Variants in ANKRD29 observed in about 807,000 individuals in gnomAD.
ANKRD29 encodes ankyrin repeat domain-containing protein 29.
In ANKRD29, 32 loss-of-function variants were observed where a neutral mutation model predicts 38.0. The observed-to-expected ratio is 0.84, with a 90% CI of 0.64 to 1.13. ANKRD29 has a LOEUF of 1.13. Ranked by LOEUF, ANKRD29 falls within the 50% of genes most tolerant of loss-of-function variation. The probability of loss-of-function intolerance (pLI) is 0.00; values close to 1 mark genes in which losing one functional copy is unlikely to be tolerated. For synonymous variants in ANKRD29, 135 were observed against 152.4 expected (o/e 0.89, Z 0.84); for missense variants, 357 against 377.9 (o/e 0.94, Z 0.46).
intron 7 of ANKRD29, 166 bp downstream of exon 7, chr18:23,619,365 G>T (rs946520480): frequency 2.9e-5 from 19 of 646,622 alleles, no homozygotes; most frequent in Non-Finnish European, 3.8e-5. Context: ...GGGTGGAGGA[G>T]GAGAGAGACC....
intron 3 of ANKRD29, among the ~76,000 whole-genome samples, chr18:23,639,698 G>C (rs1712462189): frequency 6.6e-6 from 1 of 151,990 alleles, no homozygotes; most frequent in African/African-American, 2.4e-5. Context: ...CCCACATCTG[G>C]CTATTTTTTG....
At position 23,638,907 on chromosome 18, in the gene ANKRD29, T is replaced by A. The variant is rs929859106; in HGVS notation, c.272A>T (p.His91Leu). ...AAAGAGAAATCTCACGACATCATTA[T>A]GGCCTTGCTGGGCGGCAAAGAATAG... ...TALFFAAQQG[H>L]NDVVRFLFGF... The change falls in exon 4 of 10, where the codon CAT becomes CTT. Residue 91 changes from histidine (H) to leucine (L), a missense_variant. His to Leu is a moderately conservative substitution (Grantham distance 99, BLOSUM62 -3). Transcript: ENST00000592179. 1 of 1,613,288 alleles carries A rather than the reference T, an allele frequency of 6.2e-7. No homozygotes were observed. The highest frequency in any genetic ancestry group is 1.1e-5 in the South Asian group (1 of 90,836).
chr18:23,641,358 C>T (rs1424318963), intron 3 of ANKRD29, among the ~76,000 whole-genome samples: 2 of 152,252 alleles, frequency 1.3e-5, no homozygotes, highest in Admixed American at 6.5e-5. Context: ...CTTGGAAGTG[C>T]CTGCTCCTGC....
chr18:23,623,969 A>G (rs2059828249), intron 6 of ANKRD29, among the ~76,000 whole-genome samples: 1 of 151,976 alleles, frequency 6.6e-6, no homozygotes, highest in Non-Finnish European at 1.5e-5. Flanking sequence ...TAAATTAAAC[A>G]TATAAAAATA....
chr18:23,606,992 C>G (rs955920737), intron 9 of ANKRD29, among the ~76,000 whole-genome samples: 1 of 152,182 alleles, frequency 6.6e-6, no homozygotes, highest in Non-Finnish European at 1.5e-5. Context: ...AGCAGCCAAG[C>G]CTGGAACCCC....
At chr18:23,624,231 C>T (rs572378679) in intron 6 of ANKRD29, among the ~76,000 whole-genome samples, 22 of 151,326 alleles carry the variant, frequency 1.5e-4, no homozygotes, top group African/African-American at 4.6e-4. Flanking sequence ...TTTGGGAGGC[C>T]GAGGTGGGGC....
intron 5 of ANKRD29, among the ~76,000 whole-genome samples, chr18:23,633,152 G>A (rs985723617): frequency 1.3e-5 from 2 of 152,140 alleles, no homozygotes; most frequent in Non-Finnish European, 2.9e-5. Flanking sequence ...TAAATCCTAT[G>A]GCATTATAGC....
chr18:23,616,563 T>C (rs1223768125), intron 8 of ANKRD29, among the ~76,000 whole-genome samples: 1 of 137,832 alleles, frequency 7.3e-6, no homozygotes, highest in Non-Finnish European at 1.5e-5. Flanking sequence ...TATATATATA[T>C]ACACTATATA....
At chr18:23,609,594 GTCCA>G (rs1344774144) in intron 9 of ANKRD29, among the ~76,000 whole-genome samples, 1 of 152,170 alleles carries the variant, frequency 6.6e-6, no homozygotes, top group African/African-American at 2.4e-5. Flanking sequence ...ATTCAGGAGG[GTCCA>G]AAGTCCAGCA....
intron 1 of ANKRD29, among the ~76,000 whole-genome samples, chr18:23,656,835 G>T (rs2060290562): frequency 6.6e-6 from 1 of 152,184 alleles, no homozygotes; most frequent in African/African-American, 2.4e-5. Flanking sequence ...AGACTGGCCT[G>T]GGACTCTGCT....
At chr18:23,609,769 C>A (rs2059617858) in intron 9 of ANKRD29, among the ~76,000 whole-genome samples, 3 of 152,182 alleles carry the variant, frequency 2.0e-5, no homozygotes, top group African/African-American at 7.2e-5. Flanking sequence ...AAAGACTGGT[C>A]TCTTTAGGAA....
chr18:23,642,483 C>T (rs962010996), intron 3 of ANKRD29, among the ~76,000 whole-genome samples: 4 of 152,184 alleles, frequency 2.6e-5, no homozygotes, highest in Non-Finnish European at 5.9e-5. Context: ...AGCTGGCATG[C>T]CTGGTTGTGT....
Position 23,607,336 on chromosome 18 carries a change from T to C in ANKRD29, c.822+4756A>G, listed in dbSNP as rs1022819415. On this transcript the variant is annotated intron_variant, in intron 9 of 9. Coordinates refer to ENST00000592179, the MANE Select transcript of ANKRD29 (RefSeq NM_173505.4). ...CCTAACACCTGGGCCTGCAGAGAAA[T>C]GCTCCTGGTAAACAGACCTAAGCTT... 2.6e-5 allele frequency among the ~76,000 whole-genome samples: 4 copies of C among 152,294 alleles called. No homozygotes were observed. In the East Asian group the frequency reaches 7.7e-4, roughly 29 times the overall value.
intron 6 of ANKRD29, among the ~76,000 whole-genome samples, chr18:23,625,425 A>G (rs1385626522): frequency 6.6e-6 from 1 of 151,990 alleles, no homozygotes; most frequent in Non-Finnish European, 1.5e-5. Context: ...TGATCCATAA[A>G]CCTGGGGACC....
chr18:23,639,681 G>A (rs1383966304), intron 3 of ANKRD29, among the ~76,000 whole-genome samples: 4 of 151,994 alleles, frequency 2.6e-5, no homozygotes, highest in South Asian at 2.1e-4. Flanking sequence ...GATTACAGGC[G>A]TGCACCCCCA....
intron 5 of ANKRD29, among the ~76,000 whole-genome samples, chr18:23,630,447 C>CA (rs1011493693): frequency 6.6e-6 from 1 of 150,678 alleles, no homozygotes; most frequent in Non-Finnish European, 1.5e-5. Context: ...AATCAAAAAA[C>CA]AAAAAACAAA....
intron 4 of ANKRD29, among the ~76,000 whole-genome samples, chr18:23,637,577 T>A (rs1329692111): frequency 2.0e-5 from 3 of 152,094 alleles, no homozygotes; most frequent in Non-Finnish European, 2.9e-5. Context: ...CTTTTTTTTT[T>A]AATAGAGATG....
intron 1 of ANKRD29, among the ~76,000 whole-genome samples, chr18:23,651,533 A>G (rs545238418): frequency 6.6e-6 from 1 of 152,352 alleles, no homozygotes; most frequent in African/African-American, 2.4e-5. Flanking sequence ...CAGGCAGACA[A>G]TGTAATATGC....
At chr18:23,659,475 T>C (rs1451650300) in intron 1 of ANKRD29, among the ~76,000 whole-genome samples, 4 of 152,200 alleles carry the variant, frequency 2.6e-5, no homozygotes, top group Non-Finnish European at 5.9e-5. Context: ...CTGGGTGCGG[T>C]GGCTTATGCC....
Sources: allele counts gnomAD v4.1 joint callset (sites outside exome capture counted in the v4.1 genomes callset), GRCh38; gene constraint gnomAD v4.1.1; transcripts MANE v1.5; gene names NCBI Gene and HGNC (gene_info 2026-07-23, HGNC 2026-07-21).